XYLT1: variants seen among roughly 807,000 people sequenced by gnomAD.
XYLT1 encodes xylosyltransferase 1.
In XYLT1, 36 loss-of-function variants were observed where a neutral mutation model predicts 91.3. That is an observed-to-expected ratio of 0.39 (90% CI 0.30 to 0.52). XYLT1 has a LOEUF of 0.52. Among genes scored for constraint, XYLT1 ranks in the 20% least tolerant of loss-of-function variants. The probability of loss-of-function intolerance (pLI) is 0.68; values close to 1 mark genes in which losing one functional copy is unlikely to be tolerated. For missense variants in XYLT1, 1,242 were observed against 1,284.5 expected (o/e 0.97, Z 0.51); for synonymous variants, 588 against 532.0 (o/e 1.11, Z -1.45).
At chr16:17,229,932 A>G (rs192943156) in intron 3 of XYLT1, among the ~76,000 whole-genome samples, 1 of 152,336 alleles carries the variant, frequency 6.6e-6, no homozygotes, top group Non-Finnish European at 1.5e-5. Flanking sequence ...CCAATGACTC[A>G]TCTTCTCCTA....
chr16:17,441,906 GTTAAT>G (rs1370620248), intron 1 of XYLT1, among the ~76,000 whole-genome samples: 3 of 152,298 alleles, frequency 2.0e-5, no homozygotes, highest in East Asian at 3.9e-4. Context: ...TTCTGTGATG[GTTAAT>G]TTAATGTATC....
intron 2 of XYLT1, among the ~76,000 whole-genome samples, chr16:17,265,623 T>C (rs1010699569): frequency 1.3e-5 from 2 of 152,222 alleles, no homozygotes; most frequent in Non-Finnish European, 2.9e-5. Flanking sequence ...ATGTCCTCCA[T>C]TCCCATTCAA....
chr16:17,432,457 G>A (rs981437415), intron 1 of XYLT1, among the ~76,000 whole-genome samples: 1 of 152,176 alleles, frequency 6.6e-6, no homozygotes, highest in Non-Finnish European at 1.5e-5. Flanking sequence ...CATACTGCAT[G>A]CTTCCATTTA....
At chr16:17,250,478 A>G (rs137997358) in intron 3 of XYLT1, 1 of 152,242 alleles carries the variant, frequency 6.6e-6, no homozygotes, top group African/African-American at 2.4e-5. Flanking sequence ...CTACAATGGT[A>G]AAGTTGAATA....
At chr16:17,332,525 G>A (rs1474795675) in intron 2 of XYLT1, among the ~76,000 whole-genome samples, 1 of 151,612 alleles carries the variant, frequency 6.6e-6, no homozygotes, top group Non-Finnish European at 1.5e-5. Context: ...TCGTGCCACT[G>A]CGCTCCAGCC....
At chr16:17,198,579 T>C (rs1429762760) in intron 4 of XYLT1, among the ~76,000 whole-genome samples, 165 bp from the exon 5 acceptor site, 2 of 152,182 alleles carry the variant, frequency 1.3e-5, no homozygotes. Context: ...CTTTCTGTAC[T>C]GCAATTCAAA....
In XYLT1 at chr16:17,102,822, A is replaced by T. The variant is rs985193037; in HGVS notation, c.*5873T>A. On this transcript the variant is annotated 3_prime_UTR_variant, in exon 12 of 12. Transcript: ENST00000261381. ...TCTGTACAGTTTTATGCATATTATG[A>T]TCTATAACAAAATAGTTATTTTTAA... The T allele has an allele frequency of 6.6e-6, 1 of 152,618 alleles. No homozygotes were observed. The highest frequency in any genetic ancestry group is 1.5e-5 in the Non-Finnish European group (1 of 68,034). The allele number at this position is 152,618 out of a possible 1,614,324, so 9.5% of individuals were successfully genotyped here.
intron 5 of XYLT1, among the ~76,000 whole-genome samples, chr16:17,189,447 G>A (rs1288003808): frequency 2.6e-5 from 4 of 152,174 alleles, no homozygotes; most frequent in Non-Finnish European, 4.4e-5. Context: ...CCACTGCTGG[G>A]CAGAGTCCCA....
chr16:17,157,572 G>A (rs1169344115), intron 6 of XYLT1, among the ~76,000 whole-genome samples: 2 of 152,078 alleles, frequency 1.3e-5, no homozygotes, highest in Non-Finnish European at 2.9e-5. Context: ...GTTTTTAAAT[G>A]GGGCTATTAA....
intron 1 of XYLT1, among the ~76,000 whole-genome samples, chr16:17,363,947 G>T (rs1003398310): frequency 3.3e-5 from 5 of 152,172 alleles, no homozygotes; most frequent in African/African-American, 4.8e-5. Flanking sequence ...CCAAAGTGCT[G>T]GGATTAAAGG....
In XYLT1 at chr16:17,120,157, G is replaced by A. The variant is rs116794640; in HGVS notation, c.2224-2178C>T. On this transcript the variant is annotated intron_variant, in intron 10 of 11. Coordinates refer to ENST00000261381, the MANE Select transcript of XYLT1 (RefSeq NM_022166.4). The stretch of plus-strand genomic sequence containing the variant: ...CCCTCCAGTGCCTAGCATAGTGCCC[G>A]GAACACAGTAGGAATTAAAAGGATA... Among the ~76,000 whole-genome samples the A allele has an allele frequency of 7.7e-3, 1,176 of 152,216 alleles. 18 individuals are homozygous for A. The highest frequency in any genetic ancestry group is 0.026 in the African/African-American group (1,067 of 41,526).
intron 2 of XYLT1, among the ~76,000 whole-genome samples, chr16:17,267,231 G>A (rs1276126909): frequency 6.6e-6 from 1 of 152,184 alleles, no homozygotes; most frequent in Admixed American, 6.5e-5. Context: ...TACAAAAGAA[G>A]GGGGTAAGAA....
intron 1 of XYLT1, among the ~76,000 whole-genome samples, chr16:17,415,816 T>G (rs963526389): frequency 3.4e-4 from 51 of 152,208 alleles, no homozygotes; most frequent in African/African-American, 1.2e-3. Flanking sequence ...GTGCATGCAG[T>G]GTGTCAGACA....
chr16:17,135,678 C>G (rs979161244), intron 8 of XYLT1, among the ~76,000 whole-genome samples: 15 of 151,968 alleles, frequency 9.9e-5, no homozygotes, highest in African/African-American at 3.4e-4. Context: ...TAGCTGAGAA[C>G]ACACAGCAAG....
intron 2 of XYLT1, among the ~76,000 whole-genome samples, chr16:17,309,807 G>T (rs1173264320): frequency 7.2e-5 from 11 of 152,218 alleles, no homozygotes; most frequent in Admixed American, 7.2e-4. Flanking sequence ...GTTAAGATGT[G>T]TGCTTGTGGT....
At chr16:17,385,261 AACACACATACACACACAC>A (rs754593120) in intron 1 of XYLT1, among the ~76,000 whole-genome samples, 5 of 108,176 alleles carry the variant, frequency 4.6e-5, no homozygotes, top group Admixed American at 3.9e-4. Flanking sequence ...AACACACATA[AACACACATACACACACAC>A]ACACACACAC....
chr16:17,459,152 A>G (rs1225282503), intron 1 of XYLT1, among the ~76,000 whole-genome samples: 2 of 152,064 alleles, frequency 1.3e-5, no homozygotes, highest in Non-Finnish European at 2.9e-5. Flanking sequence ...TGGGAGGATC[A>G]CTTGATCCCA....
intron 2 of XYLT1, among the ~76,000 whole-genome samples, chr16:17,270,310 T>C (rs186464224): frequency 1.4e-3 from 210 of 152,356 alleles, no homozygotes; most frequent in African/African-American, 4.3e-3. Context: ...GGCTAAGTCC[T>C]TGGGGTAAAA....
At chr16:17,231,673 C>T (rs140892340) in intron 3 of XYLT1, among the ~76,000 whole-genome samples, 10 of 152,246 alleles carry the variant, frequency 6.6e-5, no homozygotes, top group Non-Finnish European at 1.5e-4. Context: ...ACCTGGACAG[C>T]ATCATACTGT....
Sources: allele counts gnomAD v4.1 joint callset (sites outside exome capture counted in the v4.1 genomes callset), GRCh38; gene constraint gnomAD v4.1.1; transcripts MANE v1.5; gene names NCBI Gene and HGNC (gene_info 2026-07-23, HGNC 2026-07-21).